ABCG5: variants seen among roughly 807,000 people sequenced by gnomAD.
ABCG5 encodes the protein ATP binding cassette subfamily G member 5, also known as ATP-binding cassette sub-family G member 5.
ABCG5 carries 64 observed loss-of-function variants against 64.5 expected under a neutral mutation model. The ratio of observed to expected loss-of-function variants is 0.99; its 90% CI spans 0.81 to 1.22. The LOEUF is 1.22. Ranked by LOEUF, ABCG5 falls within the 50% of genes most tolerant of loss-of-function variation. The pLI, the probability that ABCG5 is intolerant of heterozygous loss-of-function variation, is 0.00. For synonymous variants in ABCG5, 385 were observed against 326.3 expected (o/e 1.18, Z -1.94); for missense variants, 908 against 829.5 (o/e 1.09, Z -1.16).
At position 43,822,656 on chromosome 2, in the gene ABCG5, C is replaced by T. The variant is rs55680582; in HGVS notation, c.1463+141G>A. On this transcript the variant is annotated intron_variant, in intron 10 of 12. Transcript: ENST00000405322. ...AATAAAATTAATGTCCTGGAAGATA[C>T]GACATTGCACTAGACACTGATGGGC... 0.064 allele frequency: 97,998 copies of T among 1,539,576 alleles called. 3,595 individuals carry two copies. The highest frequency in any genetic ancestry group is 0.077 in the Non-Finnish European group (87,288 of 1,137,816).
chr2:43,839,024 G>A (rs1206603776), upstream of ABCG5: 1 of 1,549,644 alleles, frequency 6.5e-7, no homozygotes, highest in South Asian at 1.2e-5. Context: ...TAAGAGAGCT[G>A]CAGCCCAGGG....
At chr2:43,838,948 G>A (rs1164585527), upstream of ABCG5, 6 of 1,320,908 alleles carry the variant, frequency 4.5e-6, no homozygotes, top group Admixed American at 2.0e-5. This position sits in a 1 kb window ranked among gnomAD's most constrained non-coding sequence, Gnocchi z 4.2. Context: ...CAGGGCAGGA[G>A]GCCGAGGTGT....
At chr2:43,824,487 C>T in intron 7 of ABCG5, 55 bp from the exon 8 acceptor site, 1 of 1,603,422 alleles carries the variant, frequency 6.2e-7, no homozygotes, top group Non-Finnish European at 8.5e-7. Context: ...CATGTATGTA[C>T]ATGGATATAC....
intron 4 of ABCG5, 125 bp from the exon 5 acceptor site, chr2:43,828,240 A>G: frequency 1.6e-6 from 2 of 1,286,664 alleles, no homozygotes; most frequent in South Asian, 1.2e-5. Context: ...TTCCAGACTC[A>G]CCACACCCTG....
downstream of ABCG5, chr2:43,812,339 G>C (rs1359916986): frequency 7.5e-6 from 1 of 133,300 alleles, no homozygotes; most frequent in Non-Finnish European, 1.6e-5. Context: ...TTTTTCGGTA[G>C]GTTTTTTTTT....
chr2:43,823,386 G>C (rs756664296), intron 9 of ABCG5, among the ~76,000 whole-genome samples: 9 of 147,970 alleles, frequency 6.1e-5, no homozygotes, highest in Non-Finnish European at 1.2e-4. Context: ...TCAAGCTCTA[G>C]AGCAACTTCA....
chr2:43,822,990 G>T, intron 9 of ABCG5, 55 bp from the exon 10 acceptor site: 1 of 1,604,256 alleles, frequency 6.2e-7, no homozygotes, highest in East Asian at 2.3e-5. Flanking sequence ...CTGAAAAAGG[G>T]AGGGCTAGCC....
chr2:43,827,940 G>A lies in ABCG5; in HGVS notation c.634+43C>T, dbSNP rs757669604. On this transcript the variant is annotated intron_variant, in intron 5 of 12. Transcript: ENST00000405322. ...CCAAAGTATCTGCACACACACAGAAGATGCCCAGACAGCAGCTAGTAACAG... is the reference window on the plus strand; with the variant it reads ...CCAAAGTATCTGCACACACACAGAAAATGCCCAGACAGCAGCTAGTAACAG... 7 of 1,612,104 alleles carry A rather than the reference G, an allele frequency of 4.3e-6. No individual in the cohort carries two copies. In the South Asian group the frequency reaches 7.7e-5, roughly 18 times the overall value.
Position 43,834,215 on chromosome 2 carries a change from C to T in ABCG5, c.266-2132G>A, listed in dbSNP as rs541664913. Among the ~76,000 whole-genome samples the T allele has an allele frequency of 2.6e-5, 4 of 152,208 alleles. No homozygotes were observed. The East Asian group carries it at 5.8e-4, about 22-fold the overall frequency. On this transcript the variant is annotated intron_variant, in intron 2 of 12. Coordinates refer to ENST00000405322, the MANE Select transcript of ABCG5 (RefSeq NM_022436.3). Reference sequence around the variant, plus strand: ...AAAATGTGCCCTGTAATTTCCCAGTCGTGTGGTTCTTCTAACCAGAGCCAT... The same window carrying T: ...AAAATGTGCCCTGTAATTTCCCAGTTGTGTGGTTCTTCTAACCAGAGCCAT...
intron 2 of ABCG5, 86 bp from the exon 3 acceptor site, chr2:43,832,169 C>A: frequency 6.5e-7 from 1 of 1,535,980 alleles, no homozygotes; most frequent in Non-Finnish European, 8.8e-7. Context: ...GCAGGCATGA[C>A]CCCGCGGGCC....
At chr2:43,837,182 C>T (rs1294167608) in intron 2 of ABCG5, among the ~76,000 whole-genome samples, 1 of 148,490 alleles carries the variant, frequency 6.7e-6, no homozygotes, top group Non-Finnish European at 1.5e-5. Context: ...TGCAGTGGCA[C>T]TATCTCAGCT....
chr2:43,822,280 C>A (rs1667262172), intron 10 of ABCG5, among the ~76,000 whole-genome samples: 1 of 152,098 alleles, frequency 6.6e-6, no homozygotes, highest in Non-Finnish European at 1.5e-5. Context: ...CTCCTTTAAC[C>A]CCTGCAATAT....
In ABCG5 at chr2:43,813,162, A is replaced by G. The variant is rs745775861; in HGVS notation, c.1910T>C (p.Leu637Pro). 1.4e-5 allele frequency: 20 copies of G among 1,474,960 alleles called. No individual in the cohort carries two copies. In the South Asian group the frequency reaches 2.2e-4, roughly 16 times the overall value. The allele number at this position is 1,474,960 out of a possible 1,614,324, so 91.4% of individuals were successfully genotyped here. A position where few individuals can be genotyped will look rare whatever the true frequency, so the allele number is the denominator to read the frequency against. Residue 637 changes from leucine to proline, a missense_variant, in exon 13 of 13, where the codon CTA becomes CCA. Coordinates refer to ENST00000405322, the MANE Select transcript of ABCG5 (RefSeq NM_022436.3). ...LYSFIPALVI[L>P]GIVVFKIRDH... is the part of the protein sequence containing the mutation. ...CCTTATTTTGAAAACAACTATTCCT[A>G]GGATGACAAGAGCTGGAATAAATGA...
intron 4 of ABCG5, among the ~76,000 whole-genome samples, chr2:43,830,856 G>A (rs555641000): frequency 2.0e-5 from 3 of 152,352 alleles, no homozygotes; most frequent in African/African-American, 4.8e-5. Context: ...TTAAGAAAGA[G>A]ATTGGAACCT....
chr2:43,826,263 G>A, intron 6 of ABCG5, 119 bp downstream of exon 6: 1 of 1,487,904 alleles, frequency 6.7e-7, no homozygotes. Context: ...GCCTCCCAAA[G>A]TGCTGGAATT....
intron 11 of ABCG5, among the ~76,000 whole-genome samples, chr2:43,815,230 T>C (rs1666741148): frequency 6.6e-6 from 1 of 152,186 alleles, no homozygotes; most frequent in Admixed American, 6.5e-5. Context: ...CTATTTCAGG[T>C]GAAACTGTGT....
chr2:43,831,217 G>T (rs1185596624), intron 4 of ABCG5, among the ~76,000 whole-genome samples: 1 of 152,098 alleles, frequency 6.6e-6, no homozygotes, highest in Non-Finnish European at 1.5e-5. Flanking sequence ...TTGTCCTTCA[G>T]GCTGGAGTGC....
intron 11 of ABCG5, among the ~76,000 whole-genome samples, chr2:43,819,432 A>G (rs973855759): frequency 6.6e-6 from 1 of 151,836 alleles, no homozygotes; most frequent in Admixed American, 6.6e-5. Context: ...CATTTGGTGC[A>G]TATCCTTTAA....
chr2:43,819,085 T>C (rs917634669), intron 11 of ABCG5, among the ~76,000 whole-genome samples: 1 of 152,194 alleles, frequency 6.6e-6, no homozygotes, highest in Non-Finnish European at 1.5e-5. Flanking sequence ...CACACACATA[T>C]ACTTTTATAT....
Sources: allele counts gnomAD v4.1 joint callset (sites outside exome capture counted in the v4.1 genomes callset), GRCh38; gene constraint gnomAD v4.1.1; non-coding constraint Gnocchi (gnomAD v3.1); transcripts MANE v1.5; gene names NCBI Gene and HGNC (gene_info 2026-07-23, HGNC 2026-07-21).